The following GOLGB1 variants were observed in gnomAD, a reference collection of about 807,000 sequenced individuals.
The protein encoded by GOLGB1 is golgin subfamily B member 1.
GOLGB1 carries 174 observed loss-of-function variants against 336.9 expected under a neutral mutation model. That is an observed-to-expected ratio of 0.52 (90% CI 0.46 to 0.59). The LOEUF (loss-of-function observed/expected upper bound fraction) is 0.59, where lower values mean the gene tolerates loss of function less well. Among genes scored for constraint, GOLGB1 ranks in the 20% least tolerant of loss-of-function variants. The probability of loss-of-function intolerance (pLI) is 0.00; values close to 1 mark genes in which losing one functional copy is unlikely to be tolerated. For missense variants in GOLGB1, 3,331 were observed against 3,645.3 expected (o/e 0.91, Z 2.22); for synonymous variants, 1,208 against 1,289.2 (o/e 0.94, Z 1.35).
rs746649684 is a variant in GOLGB1, at chr3:121,683,053, A to ATTTTTTTT, written c.8695-1196_8695-1189dup. ...GCTGCTTAAGAAGCAATTTCTTTTA[A>ATTTTTTTT]TTTTTTTTTTTTTTTTTTTTTTTTT... On this transcript the variant is annotated intron_variant, in intron 14 of 21. Transcript: ENST00000614479. 1.6e-4 allele frequency among the ~76,000 whole-genome samples: 13 copies of ATTTTTTTT among 82,496 alleles called. 1 individual carries two copies. The highest frequency in any genetic ancestry group is 3.9e-4 in the South Asian group (1 of 2,596). The allele number at this position is 82,496 out of a possible 152,430, so 54.1% of individuals were successfully genotyped here.
chr3:121,666,614 C>G (rs1274862724), intron 20 of GOLGB1, among the ~76,000 whole-genome samples: 2 of 152,162 alleles, frequency 1.3e-5, no homozygotes, highest in Non-Finnish European at 2.9e-5. Context: ...AAAGGTATCT[C>G]AAGTAAGACC....
intron 1 of GOLGB1, among the ~76,000 whole-genome samples, chr3:121,737,374 C>T (rs1015606852): frequency 1.3e-5 from 2 of 152,164 alleles, no homozygotes; most frequent in African/African-American, 2.4e-5. Flanking sequence ...CAGCAGGGGC[C>T]GGGCGTGGTG....
rs887681123 is a variant in GOLGB1, at chr3:121,742,294, G to A, written c.-3+7338C>T. Among the ~76,000 whole-genome samples the A allele has an allele frequency of 5.3e-5, 8 of 152,124 alleles. 1 individual carries two copies. The highest frequency in any genetic ancestry group is 3.8e-4 in the East Asian group (2 of 5,204). On this transcript the variant is annotated intron_variant, in intron 1 of 21. Transcript: ENST00000614479. ...ACATAGACCAATGGAACAGAACAGA[G>A]CCCTCAGAAATAACACCACACATCT...
rs139581607 is a variant in GOLGB1 at position 121,729,981 on chromosome 3, T to G, written c.133A>C (p.Thr45Pro). The G allele has an allele frequency of 6.1e-5, 98 of 1,611,766 alleles. No individual in the cohort carries two copies. The highest frequency in any genetic ancestry group is 7.8e-5 in the Non-Finnish European group (92 of 1,178,188). Residue 45 changes from threonine to proline, a missense_variant, in exon 3 of 22, where the codon ACT (threonine) becomes CCT (proline). Coordinates refer to ENST00000614479, the MANE Select transcript of GOLGB1 (RefSeq NM_001366282.2). ...HQESDMEFNN[T>P]TQEDVQERLA... ...CGCTCCTGAACATCTTCTTGTGTAGTATTATTAAATTCCATGTCAGATTCT... is the reference window on the plus strand; with the variant it reads ...CGCTCCTGAACATCTTCTTGTGTAGGATTATTAAATTCCATGTCAGATTCT...
rs1385091837 is a variant in GOLGB1, at chr3:121,663,835, T to A, written c.*645A>T. ...GGGCAAAAGCAAAGGGATTCTATCC[T>A]TATAGTCTAAGACCTGAAATTCTCC... On this transcript the variant is annotated 3_prime_UTR_variant, in exon 22 of 22. Coordinates refer to ENST00000614479, the MANE Select transcript of GOLGB1 (RefSeq NM_001366282.2). The A allele has an allele frequency of 6.5e-6, 1 of 153,134 alleles. No homozygotes were observed. 9.5% of individuals were successfully genotyped at this position (153,134 alleles called of 1,614,324 possible).
intron 9 of GOLGB1, among the ~76,000 whole-genome samples, chr3:121,716,090 T>A (rs1944750050): frequency 6.6e-6 from 1 of 152,206 alleles, no homozygotes; most frequent in Admixed American, 6.5e-5. Context: ...CCTTTATGTC[T>A]ATGTCAATAT....
intron 4 of GOLGB1, among the ~76,000 whole-genome samples, chr3:121,728,639 T>A (rs1481439216): frequency 6.6e-6 from 1 of 152,314 alleles, no homozygotes. Flanking sequence ...CTCCTCTGTA[T>A]CTCCAACCTT....
intron 17 of GOLGB1, among the ~76,000 whole-genome samples, chr3:121,676,176 C>T (rs1403888664): frequency 6.6e-6 from 1 of 152,234 alleles, no homozygotes; most frequent in African/African-American, 2.4e-5. Context: ...TCTACATATG[C>T]AGGCACTGTG....
chr3:121,727,325 T>A (rs398051459), intron 4 of GOLGB1, among the ~76,000 whole-genome samples: 1,620 of 83,322 alleles, frequency 0.019, 5 homozygotes, highest in Non-Finnish European at 0.029. Flanking sequence ...TATATATTTT[T>A]TTTTTTTTTT....
chr3:121,740,778 CA>C (rs1450612460), intron 1 of GOLGB1, among the ~76,000 whole-genome samples: 1 of 151,890 alleles, frequency 6.6e-6, no homozygotes, highest in African/African-American at 2.4e-5. Flanking sequence ...AGAAGAAAAG[CA>C]AAGCAAAGAA....
rs544236468 is a variant in GOLGB1 at position 121,748,979 on chromosome 3, G to A, written c.-3+653C>T. 1.8e-5 allele frequency: 17 copies of A among 964,256 alleles called. No individual in the cohort carries two copies. The African/African-American group carries it at 2.8e-4, about 16-fold the overall frequency. 59.7% of individuals were successfully genotyped at this position (964,256 alleles called of 1,614,324 possible). A position where few individuals can be genotyped will look rare whatever the true frequency, so the allele number is the denominator to read the frequency against. ...TTATTTTTCCTCGAGAACTCTCTTAGAGGTTCCTTTTTCTCTAACAGCCTG... is the reference window on the plus strand; with the variant it reads ...TTATTTTTCCTCGAGAACTCTCTTAAAGGTTCCTTTTTCTCTAACAGCCTG... On this transcript the variant is annotated intron_variant, in intron 1 of 21. Coordinates refer to ENST00000614479, the MANE Select transcript of GOLGB1 (RefSeq NM_001366282.2).
At position 121,718,493 on chromosome 3, in the gene GOLGB1, C is replaced by G. The variant is rs976620642; in HGVS notation, c.780G>C (p.Arg260Ser). 7.5e-6 allele frequency: 12 copies of G among 1,609,224 alleles called. No individual in the cohort carries two copies. Among genetic ancestry groups the G allele is most frequent in the Non-Finnish European group, 1.0e-5 (12 of 1,175,626 alleles). Residue 260 changes from arginine to serine, a missense_variant, in exon 8 of 22, where the codon AGG (arginine) becomes AGC (serine). Physicochemically the swap from Arg to Ser is moderately radical, Grantham distance 110 (BLOSUM62 -1). Coordinates refer to ENST00000614479, the MANE Select transcript of GOLGB1 (RefSeq NM_001366282.2). ...DVETEMQQKL[R>S]VLQRKLEEHE... Reference sequence around the variant, plus strand: ...GTTCCTCAAGCTTCCTTTGCAGCACCCTCAATTTCTGAGAAGAAAACATTT... The same window carrying G: ...GTTCCTCAAGCTTCCTTTGCAGCACGCTCAATTTCTGAGAAGAAAACATTT...
intron 4 of GOLGB1, among the ~76,000 whole-genome samples, chr3:121,727,845 A>G (rs1945792548): frequency 6.6e-6 from 1 of 152,168 alleles, no homozygotes; most frequent in Admixed American, 6.5e-5. Context: ...TTCTTCAACT[A>G]TACTTTCCAC....
In GOLGB1 at chr3:121,677,283, A is replaced by T; in HGVS notation, c.9039+2T>A. The T allele has an allele frequency of 6.3e-7, 1 of 1,594,074 alleles. No individual in the cohort carries two copies. Among genetic ancestry groups the T allele is most frequent in the Non-Finnish European group, 8.6e-7 (1 of 1,165,864 alleles). The stretch of plus-strand genomic sequence containing the variant: ...GTAACAATCAGCATTGAAATTACTC[A>T]CCTGTCTTTGGTATTGCACTTTGAG... On this transcript the variant is annotated splice_donor_variant, in intron 16 of 21. Coordinates refer to ENST00000614479, the MANE Select transcript of GOLGB1 (RefSeq NM_001366282.2). LOFTEE classifies it high-confidence loss of function.
chr3:121,716,137 G>A (rs1944755457), intron 9 of GOLGB1, among the ~76,000 whole-genome samples: 3 of 152,326 alleles, frequency 2.0e-5, no homozygotes, highest in Admixed American at 2.0e-4. Context: ...GAGGATTGGT[G>A]AGATGGAGTA....
chr3:121,722,821 A>G (rs1436113167), intron 5 of GOLGB1, among the ~76,000 whole-genome samples: 2 of 152,218 alleles, frequency 1.3e-5, no homozygotes, highest in Non-Finnish European at 2.9e-5. Context: ...CTAAACAGCC[A>G]ATGTATTTAT....
chr3:121,667,483 T>C lies in GOLGB1; in HGVS notation c.9547A>G (p.Ile3183Val). 1 of 1,614,000 alleles carries C rather than the reference T, an allele frequency of 6.2e-7. No individual in the cohort carries two copies. Among genetic ancestry groups the C allele is most frequent in the Non-Finnish European group, 8.5e-7 (1 of 1,179,894 alleles). Residue 3183 changes from isoleucine to valine, a missense_variant, in exon 20 of 22, where the codon ATC (isoleucine) becomes GTC (valine). Physicochemically the swap from Ile to Val is conservative, Grantham distance 29 (BLOSUM62 3). Coordinates refer to ENST00000614479, the MANE Select transcript of GOLGB1 (RefSeq NM_001366282.2). The stretch of plus-strand genomic sequence containing the variant: ...ATCTCCTTCAGCCTTTACCGTCTGA[T>C]CTGCTCCTCGGCCACAGAGAGAGCA... Reference protein sequence around the residue: ...ENALSVAEEQIRRLEHSEWDS... With the variant: ...ENALSVAEEQVRRLEHSEWDS...
At chr3:121,728,935 G>A (rs1437701536) in intron 4 of GOLGB1, among the ~76,000 whole-genome samples, 1 of 151,988 alleles carries the variant, frequency 6.6e-6, no homozygotes, top group Non-Finnish European at 1.5e-5. Flanking sequence ...ATTTCTTCCT[G>A]TAAGCCTTTT....
At chr3:121,664,656 G>C (rs1284177679) in intron 21 of GOLGB1, 42 bp from the exon 22 acceptor site, 1 of 1,592,310 alleles carries the variant, frequency 6.3e-7, no homozygotes, top group South Asian at 1.1e-5. Context: ...TCACCCTATA[G>C]GGCTATGTTG....
Sources: allele counts gnomAD v4.1 joint callset (sites outside exome capture counted in the v4.1 genomes callset), GRCh38; gene constraint gnomAD v4.1.1; transcripts MANE v1.5; gene names NCBI Gene and HGNC (gene_info 2026-07-23, HGNC 2026-07-21).